ZNF462: variants seen among roughly 807,000 people sequenced by gnomAD.
ZNF462 encodes zinc finger protein 462.
ZNF462 carries 10 observed loss-of-function variants against 201.9 expected under a neutral mutation model. The observed-to-expected ratio is 0.05, with a 90% CI of 0.03 to 0.08. The LOEUF is 0.08. Ranked by LOEUF, ZNF462 falls within the 10% of genes least tolerant of loss-of-function variation. The pLI, the probability that ZNF462 is intolerant of heterozygous loss-of-function variation, is 1.00. For missense variants in ZNF462, 2,523 were observed against 3,168.3 expected, an observed-to-expected ratio of 0.80 and a Z score of 4.89; for synonymous variants, 1,227 against 1,193.3, an observed-to-expected ratio of 1.03 and a Z score of -0.58.
chr9:106,932,190 A>C lies in ZNF462; in HGVS notation c.6013-256A>C. Reference sequence around the variant, plus strand: ...GAGTTTGGGAGAATGTAGGGAGAAAAAGAAAGCTGGAGGCAATGATGATGG... The same window carrying C: ...GAGTTTGGGAGAATGTAGGGAGAAACAGAAAGCTGGAGGCAATGATGATGG... On this transcript the variant is annotated intron_variant, in intron 4 of 12. Coordinates refer to ENST00000277225, the MANE Select transcript of ZNF462 (RefSeq NM_021224.6). The surrounding 1 kb of genome is among the most constrained non-coding windows in gnomAD (Gnocchi z 6.8). 3.9e-6 allele frequency: 6 copies of C among 1,529,144 alleles called. No homozygotes were observed. The highest frequency in any genetic ancestry group is 4.4e-6 in the Non-Finnish European group (5 of 1,140,438). The allele number at this position is 1,529,144 out of a possible 1,614,324, so 94.7% of individuals were successfully genotyped here.
rs1021007175 is a variant in ZNF462 at position 106,920,324 on chromosome 9, TTC to T, written c.-30-3022_-30-3021del. The stretch of plus-strand genomic sequence containing the variant: ...GTACCATCTCATAAACATATCAAGT[TTC>T]TCTCTCTTTGATTGGGCCATGCCAG... On this transcript the variant is annotated intron_variant, in intron 1 of 12. Coordinates refer to ENST00000277225, the MANE Select transcript of ZNF462 (RefSeq NM_021224.6). This position sits in a 1 kb window ranked among gnomAD's most constrained non-coding sequence, Gnocchi z 4.3. Among the ~76,000 whole-genome samples, 1 of 152,194 alleles carries T rather than the reference TTC, an allele frequency of 6.6e-6. No individual in the cohort carries two copies. The highest frequency in any genetic ancestry group is 2.4e-5 in the African/African-American group (1 of 41,442).
intron 7 of ZNF462, among the ~76,000 whole-genome samples, chr9:106,945,222 G>A (rs1215435608): frequency 6.6e-6 from 1 of 152,172 alleles, no homozygotes; most frequent in African/African-American, 2.4e-5. Flanking sequence ...ATCAGATGAA[G>A]TTTTAAAAAT....
upstream of ZNF462, among the ~76,000 whole-genome samples, chr9:106,862,834 T>G (rs185408856): frequency 2.6e-3 from 394 of 152,230 alleles, 3 homozygotes; most frequent in African/African-American, 8.8e-3. This position sits in a 1 kb window ranked among gnomAD's most constrained non-coding sequence, Gnocchi z 4.2. Flanking sequence ...TTTCCTCATT[T>G]CTTTCTTTCT....
rs780768857 is a variant in ZNF462 at position 106,928,967 on chromosome 9, T to C, written c.5055T>C (p.Asn1685=). Residue 1685 remains asparagine, a synonymous_variant, in exon 3 of 13, where the codon AAT becomes AAC. Coordinates refer to ENST00000277225, the MANE Select transcript of ZNF462 (RefSeq NM_021224.6). This position sits in a 1 kb window ranked among gnomAD's most constrained non-coding sequence, Gnocchi z 9.3. ...GGCACTACCGCATCAAGCACAATAA[T>C]GTCCGAGCCCAGCCAGAAGGCAAGA... ...IARHYRIKHN[N]VRAQPEGKNN... is the part of the protein sequence containing the mutation. The C allele has an allele frequency of 8.1e-6, 13 of 1,614,076 alleles. No individual in the cohort carries two copies. In the South Asian group the frequency reaches 1.3e-4, roughly 16 times the overall value.
chr9:106,982,483 C>G (rs1057509537), intron 9 of ZNF462, among the ~76,000 whole-genome samples: 3 of 152,076 alleles, frequency 2.0e-5, no homozygotes, highest in Non-Finnish European at 2.9e-5. Flanking sequence ...TATGCCAAAG[C>G]ATTTTTTTTT....
In ZNF462 at chr9:106,932,579, T is replaced by A. The variant is rs1413805939; in HGVS notation, c.6116+30T>A. On this transcript the variant is annotated intron_variant, in intron 5 of 12. Coordinates refer to ENST00000277225, the MANE Select transcript of ZNF462 (RefSeq NM_021224.6). The surrounding 1 kb of genome is among the most constrained non-coding windows in gnomAD (Gnocchi z 6.8). ...GTGCTATTGGGGGGTCACTAGTGGT[T>A]ACTGGGAGATGATGTCATAGTGGAA... The A allele has an allele frequency of 6.2e-7, 1 of 1,613,974 alleles. No individual in the cohort carries two copies. The highest frequency in any genetic ancestry group is 8.5e-7 in the Non-Finnish European group (1 of 1,179,996).
At chr9:106,907,022 T>A (rs1212275892) in intron 1 of ZNF462, among the ~76,000 whole-genome samples, 3 of 152,298 alleles carry the variant, frequency 2.0e-5, no homozygotes, top group African/African-American at 7.2e-5. Flanking sequence ...TATCTTGAAT[T>A]GCATCAAGTG....
chr9:107,003,409 G>T lies in ZNF462; in HGVS notation c.7172G>T (p.Ser2391Ile), dbSNP rs1268104259. The change falls in exon 11 of 13, where the codon AGC (serine) becomes ATC (isoleucine). Residue 2391 changes from serine (S) to isoleucine (I), a missense_variant. Physicochemically the swap from Ser to Ile is moderately radical, Grantham distance 142. Transcript: ENST00000277225. This position sits in a 1 kb window ranked among gnomAD's most constrained non-coding sequence, Gnocchi z 4.4. The stretch of plus-strand genomic sequence containing the variant: ...GAGGACAAGGAAGAAGAAATGAACA[G>T]CAAGGCTGAAGACAGAGGTTAGTCT... ...DDEDKEEEMN[S>I]KAEDRELMRF... is the part of the protein sequence containing the mutation. 3.1e-6 allele frequency: 5 copies of T among 1,613,670 alleles called. No individual in the cohort carries two copies. Among genetic ancestry groups the T allele is most frequent in the South Asian group, 2.2e-5 (2 of 91,062 alleles).
rs529919573 is a variant in ZNF462, at chr9:106,905,894, C to T, written c.-30-17460C>T. ...CTGCACGCCGGATTTATGCCCTCCCCGGAGTTCTGGCCAGGAGGCTTCTCA... is the reference window on the plus strand; with the variant it reads ...CTGCACGCCGGATTTATGCCCTCCCTGGAGTTCTGGCCAGGAGGCTTCTCA... On this transcript the variant is annotated intron_variant, in intron 1 of 12. Transcript: ENST00000277225. This position sits in a 1 kb window ranked among gnomAD's most constrained non-coding sequence, Gnocchi z 5.9. Among the ~76,000 whole-genome samples, 36 of 152,206 alleles carry T rather than the reference C, an allele frequency of 2.4e-4. No individual in the cohort carries two copies. The highest frequency in any genetic ancestry group is 1.7e-3 in the South Asian group (8 of 4,822).
At chr9:106,961,008 T>A (rs1005336052) in intron 7 of ZNF462, among the ~76,000 whole-genome samples, 1 of 152,086 alleles carries the variant, frequency 6.6e-6, no homozygotes, top group African/African-American at 2.4e-5. Context: ...AGTGAAAATA[T>A]AGTTCTAAAC....
At chr9:106,996,043 C>T (rs896128066) in intron 10 of ZNF462, among the ~76,000 whole-genome samples, 1 of 152,212 alleles carries the variant, frequency 6.6e-6, no homozygotes, top group African/African-American at 2.4e-5. Context: ...TCAATTCCCA[C>T]CTATGAGTGA....
chr9:106,860,682 G>A (rs900211552), upstream of ZNF462, among the ~76,000 whole-genome samples: 2 of 152,196 alleles, frequency 1.3e-5, no homozygotes, highest in Admixed American at 6.5e-5. The surrounding 1 kb of genome is among the most constrained non-coding windows in gnomAD (Gnocchi z 7.1). Flanking sequence ...TTTTATTAAA[G>A]ACAAAGAGGT....
intron 11 of ZNF462, among the ~76,000 whole-genome samples, chr9:107,007,511 G>C (rs1025525847): frequency 2.0e-5 from 3 of 152,176 alleles, no homozygotes; most frequent in Admixed American, 1.3e-4. Flanking sequence ...TCCTCTCAGA[G>C]GGTGGGGGAT....
chr9:106,979,702 G>A (rs945443977), intron 9 of ZNF462: 1 of 147,288 alleles, frequency 6.8e-6, no homozygotes, highest in African/African-American at 2.7e-5. Flanking sequence ...TTTTATGAGG[G>A]TATTCCTATT....
At chr9:106,879,800 A>ATT (rs1269453873) in intron 1 of ZNF462, among the ~76,000 whole-genome samples, 1 of 152,152 alleles carries the variant, frequency 6.6e-6, no homozygotes, top group African/African-American at 2.4e-5. Context: ...AGCTTCTACA[A>ATT]TTTGAGGGGT....
intron 1 of ZNF462, among the ~76,000 whole-genome samples, chr9:106,864,094 CTCTCT>C (rs1827204985): frequency 7.7e-6 from 1 of 129,938 alleles, no homozygotes; most frequent in Non-Finnish European, 1.7e-5. Flanking sequence ...CTCTCTCTCT[CTCTCT>C]CTCTCTCTCT....
At position 106,961,390 on chromosome 9, in the gene ZNF462, G is replaced by A. The variant is rs536976302; in HGVS notation, c.6428-10615G>A. On this transcript the variant is annotated intron_variant, in intron 7 of 12. Transcript: ENST00000277225. ...AGCCATTGTCCGTGTAATTAAAAAA[G>A]ACCCAGGCTTATTTCAGCAAACATG... 9.9e-5 allele frequency among the ~76,000 whole-genome samples: 15 copies of A among 152,210 alleles called. No individual in the cohort carries two copies. In the South Asian group the frequency reaches 3.1e-3, roughly 32 times the overall value.
At position 107,005,221 on chromosome 9, in the gene ZNF462, A is replaced by G. The variant is rs145995381; in HGVS notation, c.7189+1795A>G. 6.4e-4 allele frequency among the ~76,000 whole-genome samples: 98 copies of G among 152,238 alleles called. 2 individuals carry two copies. In the East Asian group the frequency reaches 0.018, roughly 29 times the overall value. On this transcript the variant is annotated intron_variant, in intron 11 of 12. Coordinates refer to ENST00000277225, the MANE Select transcript of ZNF462 (RefSeq NM_021224.6). This position sits in a 1 kb window ranked among gnomAD's most constrained non-coding sequence, Gnocchi z 4.4. ...AATATCCTGCTTTCATTTCCTTTGG[A>G]TATACCTAGGAGTGGGATTGCTAGA...
intron 1 of ZNF462, among the ~76,000 whole-genome samples, chr9:106,896,496 AG>A (rs1564082902): frequency 6.6e-6 from 1 of 152,144 alleles, no homozygotes; most frequent in East Asian, 1.9e-4. Context: ...TTGCAGGATG[AG>A]GTGGTCATGG....
Sources: gnomAD v4.1 joint callset for allele counts (sites outside exome capture counted in the v4.1 genomes callset) on GRCh38, gnomAD v4.1.1 for gene constraint, Gnocchi (gnomAD v3.1) non-coding constraint, MANE v1.5 for transcripts, NCBI Gene and HGNC (gene_info 2026-07-23, HGNC 2026-07-21) for gene names.